Variants in LRRC4C observed in about 807,000 individuals in gnomAD.
LRRC4C encodes leucine rich repeat containing 4C, also known as leucine-rich repeat-containing protein 4C.
Under a neutral mutation model 33.6 loss-of-function variants are expected in LRRC4C, and 5 were observed. That is an observed-to-expected ratio of 0.15 (90% CI 0.08 to 0.31). The LOEUF (loss-of-function observed/expected upper bound fraction) is 0.31, where lower values mean the gene tolerates loss of function less well. Among genes scored for constraint, LRRC4C ranks in the 10% least tolerant of loss-of-function variants. The pLI, the probability that LRRC4C is intolerant of heterozygous loss-of-function variation, is 1.00. For synonymous variants in LRRC4C, 329 were observed against 302.0 expected (o/e 1.09, Z -0.93); for missense variants, 560 against 796.7 (o/e 0.70, Z 3.58).
At chr11:40,885,126 C>T (rs1241264131) in intron 2 of LRRC4C, among the ~76,000 whole-genome samples, 2 of 152,080 alleles carry the variant, frequency 1.3e-5, no homozygotes, top group African/African-American at 4.8e-5. Context: ...ACCCCCTATA[C>T]AAACTGTTTG....
intron 2 of LRRC4C, among the ~76,000 whole-genome samples, chr11:40,808,805 C>T (rs1468825325): frequency 2.0e-5 from 3 of 152,186 alleles, no homozygotes; most frequent in Non-Finnish European, 4.4e-5. Context: ...TTCTCTCTGA[C>T]TAAACAGAGG....
chr11:41,208,210 T>G (rs1946677463), intron 1 of LRRC4C, among the ~76,000 whole-genome samples: 1 of 152,184 alleles, frequency 6.6e-6, no homozygotes, highest in African/African-American at 2.4e-5. Flanking sequence ...AGAATTTGGC[T>G]AAATTGTGTT....
intron 2 of LRRC4C, among the ~76,000 whole-genome samples, chr11:40,836,038 G>A (rs1465075676): frequency 6.6e-6 from 1 of 152,118 alleles, no homozygotes; most frequent in Non-Finnish European, 1.5e-5. Flanking sequence ...TCCAGTCACT[G>A]TACGTTCAAA....
At chr11:40,990,666 G>T (rs1308720516) in intron 1 of LRRC4C, among the ~76,000 whole-genome samples, 1 of 152,086 alleles carries the variant, frequency 6.6e-6, no homozygotes, top group Non-Finnish European at 1.5e-5. Flanking sequence ...TGATATAATA[G>T]AGCAGTGGTA....
intron 2 of LRRC4C, among the ~76,000 whole-genome samples, chr11:40,653,159 G>A (rs2136162176): frequency 6.6e-6 from 1 of 152,304 alleles, no homozygotes; most frequent in South Asian, 2.1e-4. Flanking sequence ...AATATAGTTA[G>A]TTGGTACCAG....
At chr11:40,896,007 G>T (rs1258050708) in intron 2 of LRRC4C, among the ~76,000 whole-genome samples, 1 of 152,112 alleles carries the variant, frequency 6.6e-6, no homozygotes, top group Non-Finnish European at 1.5e-5. Context: ...CAAGATTTCA[G>T]ACCCAATTCC....
At position 40,319,388 on chromosome 11, in the gene LRRC4C, C is replaced by A. The variant is rs1388512309; in HGVS notation, c.-176+240G>T. Among the ~76,000 whole-genome samples the A allele has an allele frequency of 2.6e-5, 4 of 152,270 alleles. No individual in the cohort carries two copies. In the East Asian group the frequency reaches 7.7e-4, roughly 29 times the overall value. The stretch of plus-strand genomic sequence containing the variant: ...ATGTTGGGAGAGCCTGCAGTTGCCA[C>A]GCACTTCTTGGGCCTGGATGGGTAA... On this transcript the variant is annotated intron_variant, in intron 4 of 6. Transcript: ENST00000528697.
At chr11:41,077,022 C>A (rs1238436724) in intron 1 of LRRC4C, among the ~76,000 whole-genome samples, 1 of 152,196 alleles carries the variant, frequency 6.6e-6, no homozygotes, top group Non-Finnish European at 1.5e-5. Flanking sequence ...CCACAATAAT[C>A]TCCTTTGATT....
chr11:40,975,014 C>G (rs767313360), intron 1 of LRRC4C, among the ~76,000 whole-genome samples: 2 of 152,158 alleles, frequency 1.3e-5, no homozygotes, highest in Non-Finnish European at 2.9e-5. Flanking sequence ...TACCAGCATC[C>G]CAGGGTCTCC....
intron 1 of LRRC4C, among the ~76,000 whole-genome samples, chr11:41,360,503 G>A (rs1199264144): frequency 1.3e-5 from 2 of 152,138 alleles, no homozygotes; most frequent in African/African-American, 4.8e-5. Flanking sequence ...ACTGAAATAT[G>A]AGCTACAATG....
At position 41,014,473 on chromosome 11, in the gene LRRC4C, T is replaced by A. The variant is rs555596442; in HGVS notation, c.-495-80750A>T. ...GTGTTGTTGATCACAGTACAGATTA[T>A]TTTTTTCTATTGCAGTTTTTTTTTT... On this transcript the variant is annotated intron_variant, in intron 1 of 6. Coordinates refer to ENST00000528697, the MANE Select transcript of LRRC4C (RefSeq NM_001258419.2). Among the ~76,000 whole-genome samples the A allele has an allele frequency of 1.4e-4, 19 of 137,606 alleles. No homozygotes were observed. In the South Asian group the frequency reaches 4.6e-3, roughly 33 times the overall value. 90.3% of individuals were successfully genotyped at this position (137,606 alleles called of 152,430 possible). A position where few individuals can be genotyped will look rare whatever the true frequency, so the allele number is the denominator to read the frequency against.
intron 1 of LRRC4C, among the ~76,000 whole-genome samples, chr11:41,133,724 C>T (rs547333382): frequency 6.6e-6 from 1 of 152,110 alleles, no homozygotes; most frequent in Non-Finnish European, 1.5e-5. Flanking sequence ...TAAGGCCATG[C>T]AAAGCAAGAA....
intron 1 of LRRC4C, among the ~76,000 whole-genome samples, chr11:41,039,202 T>C (rs1259892235): frequency 6.6e-6 from 1 of 152,180 alleles, no homozygotes; most frequent in Admixed American, 6.5e-5. Flanking sequence ...GCATGCCAGG[T>C]AAAATTGATT....
intron 2 of LRRC4C, among the ~76,000 whole-genome samples, chr11:40,727,968 A>G (rs1448758814): frequency 1.3e-5 from 2 of 152,100 alleles, no homozygotes; most frequent in Admixed American, 6.6e-5. Context: ...GCTTGAACCC[A>G]GGAGGCAGAG....
intron 1 of LRRC4C, among the ~76,000 whole-genome samples, chr11:41,024,281 G>T (rs1856190182): frequency 6.6e-6 from 1 of 151,686 alleles, no homozygotes; most frequent in African/African-American, 2.4e-5. Context: ...TAGCTACGCA[G>T]CTCAACTCAA....
At chr11:40,502,464 CATG>C (rs1418550658) in intron 3 of LRRC4C, among the ~76,000 whole-genome samples, 1 of 152,134 alleles carries the variant, frequency 6.6e-6, no homozygotes, top group African/African-American at 2.4e-5. Flanking sequence ...GCCTCACAAT[CATG>C]GTGGGAGGTG....
At chr11:41,411,219 G>A (rs1954474878) in intron 1 of LRRC4C, among the ~76,000 whole-genome samples, 1 of 139,184 alleles carries the variant, frequency 7.2e-6, no homozygotes, top group Non-Finnish European at 1.5e-5. Context: ...CGCCATCTCG[G>A]CTCATTGCAA....
chr11:40,394,622 G>A, intron 3 of LRRC4C, among the ~76,000 whole-genome samples: 1 of 152,202 alleles, frequency 6.6e-6, no homozygotes, highest in Non-Finnish European at 1.5e-5. Context: ...AGTTCCACAT[G>A]CCACCTCAAA....
chr11:40,164,023 T>C (rs547124982), intron 5 of LRRC4C, among the ~76,000 whole-genome samples: 1 of 152,164 alleles, frequency 6.6e-6, no homozygotes, highest in African/African-American at 2.4e-5. Flanking sequence ...TAGCAAGAGA[T>C]TCTCCTGCTG....
Sources: gnomAD v4.1 joint callset for allele counts (sites outside exome capture counted in the v4.1 genomes callset) on GRCh38, gnomAD v4.1.1 for gene constraint, MANE v1.5 for transcripts, NCBI Gene and HGNC (gene_info 2026-07-23, HGNC 2026-07-21) for gene names.